The following IFT74 variants were observed in gnomAD, a reference collection of about 807,000 sequenced individuals.
IFT74 encodes intraflagellar transport protein 74 homolog.
Under a neutral mutation model 96.7 loss-of-function variants are expected in IFT74, and 92 were observed. The ratio of observed to expected loss-of-function variants is 0.95; its 90% CI spans 0.80 to 1.13. The LOEUF (loss-of-function observed/expected upper bound fraction) is 1.13, where lower values mean the gene tolerates loss of function less well. Among genes scored for constraint, IFT74 ranks in the 50% most tolerant of loss-of-function variants. The probability of loss-of-function intolerance (pLI) is 0.00; values close to 1 mark genes in which losing one functional copy is unlikely to be tolerated. For synonymous variants in IFT74, 223 were observed against 213.2 expected (o/e 1.05, Z -0.40); for missense variants, 811 against 698.2 (o/e 1.16, Z -1.82).
rs147254386 is a variant in IFT74, at chr9:27,048,755, T to G, written c.1333+481T>G. On this transcript the variant is annotated intron_variant, in intron 16 of 19. Transcript: ENST00000380062. ...TAGCTGGCAATTATCAAGTTAGGAG[T>G]CTATGTTTATACACAGACTAGCAGA... Among the ~76,000 whole-genome samples, 3 of 152,090 alleles carry G rather than the reference T, an allele frequency of 2.0e-5. No individual in the cohort carries two copies. In the East Asian group the frequency reaches 5.8e-4, roughly 29 times the overall value.
intron 2 of IFT74, among the ~76,000 whole-genome samples, chr9:26,977,231 A>C (rs954588334): frequency 1.3e-5 from 2 of 152,088 alleles, no homozygotes; most frequent in Non-Finnish European, 2.9e-5. Context: ...TTCTCATCTC[A>C]GACTGCCAAG....
rs146134514 is a variant in IFT74 at position 27,051,876 on chromosome 9, G to A, written c.1333+3602G>A. 9.9e-3 allele frequency among the ~76,000 whole-genome samples: 1,509 copies of A among 152,288 alleles called. 28 individuals are homozygous for A. Among genetic ancestry groups the A allele is most frequent in the African/African-American group, 0.034 (1,429 of 41,552 alleles). ...GAATAATGCTGCAGTGAACATGGGT[G>A]TGTAAGTATTTCTTCAGGATCCTAT... On this transcript the variant is annotated intron_variant, in intron 16 of 19. Transcript: ENST00000380062.
intron 2 of IFT74, among the ~76,000 whole-genome samples, chr9:26,973,888 G>C (rs957453404): frequency 6.6e-6 from 1 of 152,154 alleles, no homozygotes; most frequent in Admixed American, 6.5e-5. Flanking sequence ...AATTAAAAGA[G>C]ACAGAGACCC....
At chr9:26,988,763 A>G in intron 7 of IFT74, 35 bp downstream of exon 7, 1 of 1,465,882 alleles carries the variant, frequency 6.8e-7, no homozygotes, top group Non-Finnish European at 9.3e-7. Context: ...TGATCTATGT[A>G]AGTCATATCC....
chr9:27,020,113 C>T (rs1348196468), intron 12 of IFT74, among the ~76,000 whole-genome samples: 1 of 151,908 alleles, frequency 6.6e-6, no homozygotes, highest in Non-Finnish European at 1.5e-5. Flanking sequence ...GTAGCTGGGA[C>T]TACAGGCACA....
At chr9:26,999,218 A>G (rs775341448) in intron 8 of IFT74, among the ~76,000 whole-genome samples, 2 of 152,230 alleles carry the variant, frequency 1.3e-5, no homozygotes, top group Non-Finnish European at 2.9e-5. Flanking sequence ...ACAGTAAACT[A>G]AGAATAAATA....
intron 8 of IFT74, chr9:26,996,333 C>T (rs747640085): frequency 8.2e-6 from 13 of 1,594,596 alleles, no homozygotes; most frequent in African/African-American, 4.0e-5. Flanking sequence ...TTAAGTTGTT[C>T]GAAGAGCTAT....
intron 2 of IFT74, among the ~76,000 whole-genome samples, chr9:26,963,479 T>C (rs1442346411): frequency 2.7e-5 from 4 of 150,624 alleles, no homozygotes; most frequent in African/African-American, 9.8e-5. Context: ...TACCCAGTAA[T>C]GGGATGGCTG....
intron 2 of IFT74, among the ~76,000 whole-genome samples, chr9:26,970,978 T>C (rs1826853511): frequency 6.6e-6 from 1 of 152,228 alleles, no homozygotes; most frequent in South Asian, 2.1e-4. Flanking sequence ...GGATATGGTA[T>C]TCCCATTTTA....
chr9:26,949,108 G>C (rs1382958470), intron 1 of IFT74, among the ~76,000 whole-genome samples: 1 of 151,706 alleles, frequency 6.6e-6, no homozygotes, highest in Non-Finnish European at 1.5e-5. Context: ...CTTTTCTACC[G>C]GACTACATTT....
At chr9:26,981,131 C>G (rs753912747) in intron 4 of IFT74, among the ~76,000 whole-genome samples, 1 of 152,128 alleles carries the variant, frequency 6.6e-6, no homozygotes, top group African/African-American at 2.4e-5. Flanking sequence ...AGGGCAGAGT[C>G]GTCATGTCCT....
At chr9:26,982,714 T>TA (rs1563949163) in intron 4 of IFT74, among the ~76,000 whole-genome samples, 1 of 151,916 alleles carries the variant, frequency 6.6e-6, no homozygotes, top group Non-Finnish European at 1.5e-5. Flanking sequence ...CTTGGCCTCT[T>TA]AGAGTGCTGG....
chr9:27,056,278 A>G, intron 17 of IFT74, 56 bp from the exon 18 acceptor site: 1 of 1,301,048 alleles, frequency 7.7e-7, no homozygotes. Context: ...AATATGATTT[A>G]TATTGGCTTA....
chr9:27,046,011 T>G (rs979133469), intron 14 of IFT74, among the ~76,000 whole-genome samples: 1 of 152,180 alleles, frequency 6.6e-6, no homozygotes, highest in African/African-American at 2.4e-5. Flanking sequence ...ACTGAATGAA[T>G]GGAAAGAATT....
rs749344839 is a variant in IFT74, at chr9:27,044,782, G to C, written c.1095G>C (p.Glu365Asp). Reference sequence around the variant, plus strand: ...AATACAAGGAGCTAAAGAAAAGGGAGGAACATATGGACAGTAAGTGATATT... The same window carrying C: ...AATACAAGGAGCTAAAGAAAAGGGACGAACATATGGACAGTAAGTGATATT... ...NQKYKELKKR[E>D]EHMDTFIETF... Residue 365 changes from glutamate to aspartate, a missense_variant, in exon 14 of 20, where the codon GAG (glutamate) becomes GAC (aspartate). Coordinates refer to ENST00000380062, the MANE Select transcript of IFT74 (RefSeq NM_025103.4). The C allele has an allele frequency of 3.2e-6, 5 of 1,542,072 alleles. No individual in the cohort carries two copies. The East Asian group carries it at 1.1e-4, about 35-fold the overall frequency.
rs148911765 is a variant in IFT74, at chr9:27,015,700, G to C, written c.790-1207G>C. Among the ~76,000 whole-genome samples the C allele has an allele frequency of 3.2e-4, 49 of 152,140 alleles. No homozygotes were observed. The East Asian group carries it at 8.9e-3, about 28-fold the overall frequency. On this transcript the variant is annotated intron_variant, in intron 10 of 19. Coordinates refer to ENST00000380062, the MANE Select transcript of IFT74 (RefSeq NM_025103.4). ...TTTATTTTGTTCAAGTTGTAGGTCC[G>C]GTTTCAAATGTCACTGTTAACTCTT...
At chr9:27,052,279 G>A (rs1266747380) in intron 16 of IFT74, among the ~76,000 whole-genome samples, 1 of 152,112 alleles carries the variant, frequency 6.6e-6, no homozygotes, top group Non-Finnish European at 1.5e-5. Context: ...GGAGGCCAAG[G>A]CGGGCGGATC....
At chr9:27,047,742 A>G (rs897700304) in intron 15 of IFT74, among the ~76,000 whole-genome samples, 7 of 152,218 alleles carry the variant, frequency 4.6e-5, no homozygotes, top group Admixed American at 4.6e-4. Flanking sequence ...GTATTTTTAT[A>G]CTGTAAATTT....
At chr9:27,006,544 C>T (rs1711572177) in intron 8 of IFT74, among the ~76,000 whole-genome samples, 1 of 151,240 alleles carries the variant, frequency 6.6e-6, no homozygotes, top group Non-Finnish European at 1.5e-5. Flanking sequence ...ATGCAGTGAG[C>T]CATGATTGTG....
Sources: gnomAD v4.1 joint callset for allele counts (sites outside exome capture counted in the v4.1 genomes callset) on GRCh38, gnomAD v4.1.1 for gene constraint, MANE v1.5 for transcripts, NCBI Gene and HGNC (gene_info 2026-07-23, HGNC 2026-07-21) for gene names.